IGSF23: variants seen among roughly 807,000 people sequenced by gnomAD.
IGSF23 encodes immunoglobulin superfamily member 23.
A neutral mutation model predicts 17.8 loss-of-function variants in IGSF23; 14 were observed. The ratio of observed to expected loss-of-function variants is 0.79; its 90% CI spans 0.52 to 1.23. The LOEUF (loss-of-function observed/expected upper bound fraction) is 1.23, where lower values mean the gene tolerates loss of function less well. IGSF23 is among the 50% of genes most tolerant of loss of function. The pLI, the probability that IGSF23 is intolerant of heterozygous loss-of-function variation, is 0.00. For synonymous variants in IGSF23, 85 were observed against 92.5 expected, an observed-to-expected ratio of 0.92 and a Z score of 0.46; for missense variants, 214 against 241.7, an observed-to-expected ratio of 0.89 and a Z score of 0.76.
At chr19:44,616,897 A>G (rs1331194120) in intron 1 of IGSF23, among the ~76,000 whole-genome samples, 1 of 151,546 alleles carries the variant, frequency 6.6e-6, no homozygotes, top group Admixed American at 6.6e-5. Flanking sequence ...GGAGAGAGAG[A>G]AAAAGAGAGA....
chr19:44,618,227 C>T (rs1324515470), intron 1 of IGSF23: 4 of 470,492 alleles, frequency 8.5e-6, no homozygotes, highest in East Asian at 7.0e-5. Flanking sequence ...GAGGGTATGA[C>T]GCCCAGCCAG....
At chr19:44,627,344 G>A (rs1972673281) in intron 2 of IGSF23, 76 bp from the exon 3 acceptor site, 4 of 1,368,926 alleles carry the variant, frequency 2.9e-6, no homozygotes, top group African/African-American at 1.5e-5. Context: ...CTTGGGAGGG[G>A]GAATGGCAGG....
Position 44,623,802 on chromosome 19 carries a change from C to A in IGSF23, c.221C>A (p.Thr74Lys). 6.4e-7 allele frequency: 1 copy of A among 1,550,966 alleles called. No individual in the cohort carries two copies. Among genetic ancestry groups the A allele is most frequent in the Middle Eastern group, 1.7e-4 (1 of 5,996 alleles). ...TCTGTGATCCTGCAGTGGGTGGTGA[C>A]AATGGACCCTGAGCCTGTGCTGAGC... ...NYSVILQWVV[T>K]MDPEPVLSWT... Residue 74 changes from threonine to lysine, a missense_variant, in exon 2 of 5, where the codon ACA (threonine) becomes AAA (lysine). Coordinates refer to ENST00000402988, the MANE Select transcript of IGSF23 (RefSeq NM_001205280.2).
At chr19:44,629,543 C>T (rs1411875817) in intron 3 of IGSF23, among the ~76,000 whole-genome samples, 1 of 151,630 alleles carries the variant, frequency 6.6e-6, no homozygotes, top group Non-Finnish European at 1.5e-5. Context: ...GCCTGCTTGA[C>T]AGAGCAAGAC....
intron 2 of IGSF23, among the ~76,000 whole-genome samples, chr19:44,626,597 C>T (rs1407904124): frequency 1.3e-5 from 2 of 152,118 alleles, no homozygotes; most frequent in Non-Finnish European, 2.9e-5. Context: ...GACACCTGAG[C>T]TGAGAATTAT....
chr19:44,625,494 CTGGG>C (rs1422638436), intron 2 of IGSF23, among the ~76,000 whole-genome samples: 1 of 152,110 alleles, frequency 6.6e-6, no homozygotes, highest in Non-Finnish European at 1.5e-5. Context: ...GCCTTCCTGG[CTGGG>C]TAACTTAGCG....
chr19:44,623,493 C>T (rs114436710), intron 1 of IGSF23, among the ~76,000 whole-genome samples: 3,605 of 152,282 alleles, frequency 0.024, 146 homozygotes, highest in African/African-American at 0.081. Flanking sequence ...CCTCAGGCAA[C>T]GGGATGCAGG....
At chr19:44,627,624 A>G (rs1180060624) in intron 3 of IGSF23, 51 bp downstream of exon 3, 2 of 1,510,104 alleles carry the variant, frequency 1.3e-6, no homozygotes, top group Non-Finnish European at 1.8e-6. Context: ...CTCAGCCCCC[A>G]TGGGGCACAG....
At chr19:44,634,690 T>C (rs1270118891) in intron 3 of IGSF23, among the ~76,000 whole-genome samples, 1 of 152,038 alleles carries the variant, frequency 6.6e-6, no homozygotes, top group Non-Finnish European at 1.5e-5. Flanking sequence ...TGGCCAGATT[T>C]TGGGGGGCAT....
In IGSF23 at chr19:44,629,356, G is replaced by A. The variant is rs577172385; in HGVS notation, c.545+1783G>A. 9.2e-5 allele frequency among the ~76,000 whole-genome samples: 14 copies of A among 152,034 alleles called. No individual in the cohort carries two copies. The South Asian group carries it at 2.1e-3, about 23-fold the overall frequency. ...CACTTGAGCCTAGGAGTTTGAGACCGGCCTGGGCAACATAGTGAGACCCCG... is the reference window on the plus strand; with the variant it reads ...CACTTGAGCCTAGGAGTTTGAGACCAGCCTGGGCAACATAGTGAGACCCCG... On this transcript the variant is annotated intron_variant, in intron 3 of 4. Coordinates refer to ENST00000402988, the MANE Select transcript of IGSF23 (RefSeq NM_001205280.2).
intron 4 of IGSF23, among the ~76,000 whole-genome samples, chr19:44,635,711 C>T (rs1236249910): frequency 6.6e-6 from 1 of 152,180 alleles, no homozygotes; most frequent in Non-Finnish European, 1.5e-5. Flanking sequence ...TCATAAACCT[C>T]TTGGGCTCCA....
chr19:44,630,272 G>A (rs922021377), intron 3 of IGSF23, among the ~76,000 whole-genome samples: 3 of 152,118 alleles, frequency 2.0e-5, no homozygotes, highest in African/African-American at 7.2e-5. Flanking sequence ...CTGCAGCCTC[G>A]GCCACCCAGA....
chr19:44,620,397 C>T (rs959677123), intron 1 of IGSF23, among the ~76,000 whole-genome samples: 32 of 148,254 alleles, frequency 2.2e-4, no homozygotes, highest in Admixed American at 3.4e-4. Context: ...GATGGAGCCT[C>T]GCTCTGTCGC....
chr19:44,635,518 T>C, intron 4 of IGSF23, 53 bp downstream of exon 4: 1 of 1,314,774 alleles, frequency 7.6e-7, no homozygotes, highest in Non-Finnish European at 1.1e-6. Context: ...CAGAAAGAAG[T>C]TCTTGGGCAG....
intron 1 of IGSF23, among the ~76,000 whole-genome samples, chr19:44,615,571 T>C (rs1972354457): frequency 6.7e-6 from 1 of 149,110 alleles, no homozygotes; most frequent in Non-Finnish European, 1.5e-5. Context: ...TGCGGTTAGC[T>C]GAGATGGTGC....
intron 1 of IGSF23, among the ~76,000 whole-genome samples, chr19:44,616,687 C>A (rs1482113229): frequency 8.7e-6 from 1 of 114,324 alleles, no homozygotes; most frequent in Admixed American, 1.1e-4. Context: ...CAGAGCGAGA[C>A]TCCATCTCAA....
intron 2 of IGSF23, among the ~76,000 whole-genome samples, chr19:44,626,090 G>A (rs1423075662): frequency 6.6e-6 from 1 of 152,128 alleles, no homozygotes. Flanking sequence ...GAGTGAACTA[G>A]AGGTATGCAG....
Position 44,624,223 on chromosome 19 carries a change from T to TTCC in IGSF23, c.391+268_391+270dup, listed in dbSNP as rs35551910. 3.3e-3 allele frequency among the ~76,000 whole-genome samples: 497 copies of TTCC among 148,944 alleles called. 2 individuals are homozygous for TTCC. The highest frequency in any genetic ancestry group is 0.012 in the African/African-American group (476 of 40,472). On this transcript the variant is annotated intron_variant, in intron 2 of 4. Coordinates refer to ENST00000402988, the MANE Select transcript of IGSF23 (RefSeq NM_001205280.2). The stretch of plus-strand genomic sequence containing the variant: ...CTTCTTTTTCTTTCTTCTCCTTCTT[T>TTCC]TCCTCCTCCTCCTCCTCCTTCTTCT...
At chr19:44,627,793 T>G (rs1223171255) in intron 3 of IGSF23, among the ~76,000 whole-genome samples, 1 of 152,118 alleles carries the variant, frequency 6.6e-6, no homozygotes, top group Non-Finnish European at 1.5e-5. Flanking sequence ...TGGCTTCAAG[T>G]CCCAGCTCTG....
Sources: gnomAD v4.1 joint callset for allele counts (sites outside exome capture counted in the v4.1 genomes callset) on GRCh38, gnomAD v4.1.1 for gene constraint, MANE v1.5 for transcripts, NCBI Gene and HGNC (gene_info 2026-07-23, HGNC 2026-07-21) for gene names.